Variants in ZNF614 observed in about 807,000 individuals in gnomAD.
ZNF614 encodes zinc finger protein 614.
A neutral mutation model predicts 12.8 loss-of-function variants in ZNF614; 11 were observed. The ratio of observed to expected loss-of-function variants is 0.86; its 90% CI spans 0.54 to 1.43. The LOEUF is 1.43. Among genes scored for constraint, ZNF614 ranks in the 40% most tolerant of loss-of-function variants. ZNF614 has a pLI of 0.00. For synonymous variants in ZNF614, 237 were observed against 237.5 expected (o/e 1.00, Z 0.02); for missense variants, 664 against 708.8 (o/e 0.94, Z 0.72).
intron 1 of ZNF614, among the ~76,000 whole-genome samples, chr19:52,028,035 A>G (rs1389749761): frequency 1.3e-5 from 2 of 152,360 alleles, no homozygotes; most frequent in African/African-American, 4.8e-5. Context: ...ACACCCGTAA[A>G]GGGTGACTCA....
At chr19:52,027,049 G>A (rs2086980255) in intron 1 of ZNF614, among the ~76,000 whole-genome samples, 1 of 152,208 alleles carries the variant, frequency 6.6e-6, no homozygotes, top group South Asian at 2.1e-4. Flanking sequence ...TCCGTATGCT[G>A]AGTGCTGGTC....
chr19:52,019,565 G>C (rs538664146), intron 2 of ZNF614, among the ~76,000 whole-genome samples: 2 of 152,146 alleles, frequency 1.3e-5, no homozygotes, highest in Non-Finnish European at 2.9e-5. Context: ...GAATCATCAA[G>C]AGACAAAAGA....
chr19:52,027,025 G>GAC (rs2086979854), intron 1 of ZNF614, among the ~76,000 whole-genome samples: 4 of 152,234 alleles, frequency 2.6e-5, no homozygotes, highest in Admixed American at 2.0e-4. Flanking sequence ...AGAGACCAGT[G>GAC]CCAGCGTGGG....
intron 2 of ZNF614, among the ~76,000 whole-genome samples, chr19:52,019,014 G>A (rs2086918227): frequency 6.6e-6 from 1 of 152,018 alleles, no homozygotes; most frequent in Non-Finnish European, 1.5e-5. Context: ...GACTACAGGT[G>A]GATGCTACTA....
rs2086882914 is a variant in ZNF614 at position 52,014,217 on chromosome 19, C to G, written c.*1623G>C. Reference sequence around the variant, plus strand: ...ACACAAATAAATTCTCTAATTCTCCCACACCAATTGGGTGTTCTACAATTC... The same window carrying G: ...ACACAAATAAATTCTCTAATTCTCCGACACCAATTGGGTGTTCTACAATTC... On this transcript the variant is annotated 3_prime_UTR_variant, in exon 5 of 5. Transcript: ENST00000270649. The G allele has an allele frequency of 6.6e-6, 1 of 152,098 alleles. No homozygotes were observed. Among genetic ancestry groups the G allele is most frequent in the Non-Finnish European group, 1.5e-5 (1 of 68,026 alleles). 9.4% of individuals were successfully genotyped at this position (152,098 alleles called of 1,614,324 possible). A position where few individuals can be genotyped will look rare whatever the true frequency, so the allele number is the denominator to read the frequency against.
chr19:52,026,491 C>T (rs1192581657), intron 1 of ZNF614, among the ~76,000 whole-genome samples: 1 of 152,200 alleles, frequency 6.6e-6, no homozygotes, highest in Non-Finnish European at 1.5e-5. Context: ...TACCCAGAGA[C>T]ACAATACACT....
At position 52,016,342 on chromosome 19, in the gene ZNF614, C is replaced by T. The variant is rs767727916; in HGVS notation, c.1256G>A (p.Arg419Gln). 2.0e-5 allele frequency: 33 copies of T among 1,610,526 alleles called. No individual in the cohort carries two copies. Among genetic ancestry groups the T allele is most frequent in the Non-Finnish European group, 2.7e-5 (32 of 1,177,546 alleles). The change falls in exon 5 of 5, where the codon CGA (arginine) becomes CAA (glutamine). Residue 419 changes from arginine to glutamine, a missense_variant. Coordinates refer to ENST00000270649, the MANE Select transcript of ZNF614 (RefSeq NM_025040.4). ...GTAAGATTTCTCTCCTGTATGAGTT[C>T]GCTGATGTATAACGAGAGTGCGTTT... Reference protein sequence around the residue: ...TVKRTLVIHQRTHTGEKSYIC... With the variant: ...TVKRTLVIHQQTHTGEKSYIC...
chr19:52,022,023 G>A (rs2086935663), intron 2 of ZNF614, among the ~76,000 whole-genome samples: 1 of 152,162 alleles, frequency 6.6e-6, no homozygotes, highest in Admixed American at 6.5e-5. Context: ...AACCTCACTG[G>A]TGAATGGGAA....
rs1319790330 is a variant in ZNF614, at chr19:52,015,921, T to C, written c.1677A>G (p.Lys559=). The change falls in exon 5 of 5, where the codon AAA becomes AAG. Residue 559 remains lysine, a synonymous_variant. Coordinates refer to ENST00000270649, the MANE Select transcript of ZNF614 (RefSeq NM_025040.4). ...SHLSNLVKHK[K]MHTREMGRIS... The stretch of plus-strand genomic sequence containing the variant: ...TTCTACCCATTTCTCTTGTGTGCAT[T>C]TTCTTATGTTTGACAAGGTTTGATA... The C allele has an allele frequency of 6.2e-7, 1 of 1,614,220 alleles. No individual in the cohort carries two copies.
rs758245427 is a variant in ZNF614, at chr19:52,016,700, G to A, written c.898C>T (p.Arg300Cys). The change falls in exon 5 of 5, where the codon CGC (arginine) becomes TGC (cysteine). Residue 300 changes from arginine to cysteine, a missense_variant. Physicochemically the swap from Arg to Cys is radical, Grantham distance 180. Coordinates refer to ENST00000270649, the MANE Select transcript of ZNF614 (RefSeq NM_025040.4). ...SECGKGFTMK[R>C]YLIAHQRTHS... Reference sequence around the variant, plus strand: ...GTTCGCTGATGAGCAATTAGATAGCGCTTCATTGTAAAGCCCTTTCCACAC... The same window carrying A: ...GTTCGCTGATGAGCAATTAGATAGCACTTCATTGTAAAGCCCTTTCCACAC... 1.2e-5 allele frequency: 19 copies of A among 1,613,922 alleles called. No homozygotes were observed. Among genetic ancestry groups the A allele is most frequent in the South Asian group, 2.2e-5 (2 of 91,076 alleles).
intron 1 of ZNF614, among the ~76,000 whole-genome samples, chr19:52,026,739 A>G (rs531004529): frequency 6.6e-6 from 1 of 152,360 alleles, no homozygotes; most frequent in South Asian, 2.1e-4. Context: ...GTCTCCGTGT[A>G]AAACCCCATT....
chr19:52,017,088 A>C lies in ZNF614; in HGVS notation c.510T>G (p.His170Gln). Residue 170 changes from histidine (H) to glutamine (Q), a missense_variant, in exon 5 of 5, where the codon CAT (histidine) becomes CAG (glutamine). Coordinates refer to ENST00000270649, the MANE Select transcript of ZNF614 (RefSeq NM_025040.4). The part of the protein sequence containing the change: ...GGEKTLLHGK[H>Q]ERTHTKTRFS... ...ATCTAGTTTTAGTATGCGTACGTTC[A>C]TGCTTACCATGTAGAAGTGTTTTCT... 1 of 1,614,208 alleles carries C rather than the reference A, an allele frequency of 6.2e-7. No individual in the cohort carries two copies. The highest frequency in any genetic ancestry group is 8.5e-7 in the Non-Finnish European group (1 of 1,180,034).
chr19:52,025,458 G>C (rs1454868713), intron 2 of ZNF614, among the ~76,000 whole-genome samples: 1 of 152,008 alleles, frequency 6.6e-6, no homozygotes. Flanking sequence ...CGAGTAGCTG[G>C]GATTACAGGT....
Position 52,018,360 on chromosome 19 carries a change from A to G in ZNF614, c.142+8T>C. 1 of 1,614,014 alleles carries G rather than the reference A, an allele frequency of 6.2e-7. No homozygotes were observed. The highest frequency in any genetic ancestry group is 1.1e-5 in the South Asian group (1 of 91,076). On this transcript the variant is annotated splice_region_variant and intron_variant, in intron 3 of 4. Transcript: ENST00000270649. Reference sequence around the variant, plus strand: ...CACCTCTAGGTGACACAGGGAAACTATTCTTACCCAGTGATACTAGGTGGT... The same window carrying G: ...CACCTCTAGGTGACACAGGGAAACTGTTCTTACCCAGTGATACTAGGTGGT...
At chr19:52,018,258 A>G (rs1408981525) in intron 3 of ZNF614, 110 bp downstream of exon 3, 2 of 1,565,838 alleles carry the variant, frequency 1.3e-6, no homozygotes, top group African/African-American at 2.7e-5. Context: ...GGGACTGAAA[A>G]TGTAACTCTT....
At chr19:52,017,758 T>C (rs1364635540) in intron 4 of ZNF614, 4 of 401,388 alleles carry the variant, frequency 1.0e-5, no homozygotes, top group Non-Finnish European at 1.8e-5. Context: ...TGGCTCTTTA[T>C]TGTCAACTCT....
chr19:52,027,951 A>AT (rs1273074075), intron 1 of ZNF614, among the ~76,000 whole-genome samples: 1 of 152,176 alleles, frequency 6.6e-6, no homozygotes, highest in African/African-American at 2.4e-5. Context: ...ATTCTTCAGG[A>AT]AAGATAATAT....
chr19:52,017,918 GTACCCTCAGA>G (rs772509683), intron 4 of ZNF614, 80 bp downstream of exon 4: 30 of 921,754 alleles, frequency 3.3e-5, no homozygotes, highest in Non-Finnish European at 4.9e-5. Context: ...AGCTGCTTAG[GTACCCTCAGA>G]TACTTCATAT....
chr19:52,023,388 C>T (rs1324503863), intron 2 of ZNF614, among the ~76,000 whole-genome samples: 2 of 152,006 alleles, frequency 1.3e-5, no homozygotes, highest in South Asian at 2.1e-4. Flanking sequence ...AGGATGGTCT[C>T]GATCTCTTGA....
Sources: allele counts gnomAD v4.1 joint callset (sites outside exome capture counted in the v4.1 genomes callset), GRCh38; gene constraint gnomAD v4.1.1; transcripts MANE v1.5; gene names NCBI Gene and HGNC (gene_info 2026-07-23, HGNC 2026-07-21).